ATMIN: variants seen among roughly 807,000 people sequenced by gnomAD.
The protein encoded by ATMIN is ATM INteracting protein.
ATMIN carries 24 observed loss-of-function variants against 49.2 expected under a neutral mutation model. The observed-to-expected ratio is 0.49, with a 90% CI of 0.35 to 0.69. The LOEUF (loss-of-function observed/expected upper bound fraction) is 0.69. Among genes scored for constraint, ATMIN ranks in the 30% least tolerant of loss-of-function variants. The pLI is 0.00. For missense variants in ATMIN, 1,037 were observed against 1,005.5 expected (o/e 1.03, Z -0.42); for synonymous variants, 450 against 392.5 (o/e 1.15, Z -1.73).
At chr16:81,036,425 C>T (rs1167907953) in intron 1 of ATMIN, among the ~76,000 whole-genome samples, 1 of 152,110 alleles carries the variant, frequency 6.6e-6, no homozygotes, top group Non-Finnish European at 1.5e-5. Context: ...GCTGGGAGCC[C>T]CGGGTCCGCC....
In ATMIN at chr16:81,043,695, A is replaced by G. The variant is rs531751731; in HGVS notation, c.1197A>G (p.Leu399=). 1.9e-6 allele frequency: 3 copies of G among 1,614,246 alleles called. No homozygotes were observed. The highest frequency in any genetic ancestry group is 2.7e-5 in the African/African-American group (2 of 75,072). ...GTCCATCTAATCCTTTACAAGAACT[A>G]GGGAACACGTGTCAAAAGAATAGCA... ...GKSPSNPLQE[L]GNTCQKNSIS... The change falls in exon 4 of 4, where the codon CTA becomes CTG. Residue 399 remains leucine (L), a synonymous_variant. Transcript: ENST00000299575.
At chr16:81,038,844 G>A (rs1157819296) in intron 1 of ATMIN, among the ~76,000 whole-genome samples, 1 of 152,176 alleles carries the variant, frequency 6.6e-6, no homozygotes. Flanking sequence ...CGCCCAGACT[G>A]GAGTGCAGTG....
chr16:81,040,902 G>C (rs969006199), intron 1 of ATMIN: 2 of 153,646 alleles, frequency 1.3e-5, no homozygotes, highest in African/African-American at 4.8e-5. Context: ...GCACTTAGAA[G>C]AGGACAGGAG....
rs368727160 is a variant in ATMIN at position 81,042,466 on chromosome 16, A to G, written c.648A>G (p.Ile216Met). 6.2e-7 allele frequency: 1 copy of G among 1,614,186 alleles called. No individual in the cohort carries two copies. The highest frequency in any genetic ancestry group is 1.3e-5 in the African/African-American group (1 of 75,046). ...ACATCTACCGAACTGGGCACGAGAT[A>G]CCTGCAGAACACAGGTGAAGGGAAA... ...QSHIYRTGHE[I>M]PAEHRDPPSK... Residue 216 changes from isoleucine to methionine, a missense_variant, in exon 3 of 4, where the codon ATA becomes ATG. Physicochemically the swap from Ile to Met is conservative, Grantham distance 10. Transcript: ENST00000299575.
At position 81,042,276 on chromosome 16, in the gene ATMIN, C is replaced by T. The variant is rs1971048523; in HGVS notation, c.463-5C>T. 2 of 1,612,368 alleles carry T rather than the reference C, an allele frequency of 1.2e-6. No individual in the cohort carries two copies. Among genetic ancestry groups the T allele is most frequent in the East Asian group, 2.2e-5 (1 of 44,896 alleles). On this transcript the variant is annotated splice_region_variant and splice_polypyrimidine_tract_variant and intron_variant, in intron 2 of 3. Transcript: ENST00000299575. ...TCACCTTAGTCCCTTCTGCGTTCCT[C>T]CTAGCACTTTATGAAAATGCATGCT...
chr16:81,044,954 C>A lies in ATMIN; in HGVS notation c.2456C>A (p.Thr819Lys). 6.2e-7 allele frequency: 1 copy of A among 1,612,076 alleles called. No homozygotes were observed. The highest frequency in any genetic ancestry group is 8.5e-7 in the Non-Finnish European group (1 of 1,178,490). ...ACCCAGACTTCTGCGGAACCACACA[C>A]AGTCTCCAACTTCTAAAACTAACGG... is the stretch of plus-strand genomic sequence containing the variant. ...VETQTSAEPH[T>K]VSNF Residue 819 changes from threonine (T) to lysine (K), a missense_variant, in exon 4 of 4, where the codon ACA becomes AAA. Transcript: ENST00000299575.
At position 81,046,390 on chromosome 16, in the gene ATMIN, T is replaced by G. The variant is rs1283441235; in HGVS notation, c.*1420T>G. 1.3e-5 allele frequency: 2 copies of G among 152,234 alleles called. No homozygotes were observed. The highest frequency in any genetic ancestry group is 2.9e-5 in the Non-Finnish European group (2 of 68,038). The allele number at this position is 152,234 out of a possible 1,614,324, so 9.4% of individuals were successfully genotyped here. A position where few individuals can be genotyped will look rare whatever the true frequency, so the allele number is the denominator to read the frequency against. ...AAGTATCTAGCAAGGATATTACTTG[T>G]GCCTTGAGGCTAGCAATTATAGGAT... On this transcript the variant is annotated 3_prime_UTR_variant, in exon 4 of 4. Coordinates refer to ENST00000299575, the MANE Select transcript of ATMIN (RefSeq NM_015251.3).
chr16:81,044,306 C>A lies in ATMIN; in HGVS notation c.1808C>A (p.Pro603His), dbSNP rs1414292993. ...DLENILSSNL[P>H]AQTLDHRSLL... The stretch of plus-strand genomic sequence containing the variant: ...GAAAACATCTTGTCAAGTAATCTGC[C>A]TGCTCAGACATTGGATCATCGTAGT... The change falls in exon 4 of 4, where the codon CCT becomes CAT. Residue 603 changes from proline to histidine, a missense_variant. Pro to His is a moderately conservative substitution (Grantham distance 77, BLOSUM62 -2). Coordinates refer to ENST00000299575, the MANE Select transcript of ATMIN (RefSeq NM_015251.3). 1 of 1,613,970 alleles carries A rather than the reference C, an allele frequency of 6.2e-7. No homozygotes were observed. The highest frequency in any genetic ancestry group is 1.3e-5 in the African/African-American group (1 of 74,926).
At position 81,044,177 on chromosome 16, in the gene ATMIN, A is replaced by G. The variant is rs1185800038; in HGVS notation, c.1679A>G (p.Glu560Gly). 6 of 1,614,062 alleles carry G rather than the reference A, an allele frequency of 3.7e-6. No individual in the cohort carries two copies. The highest frequency in any genetic ancestry group is 5.1e-6 in the Non-Finnish European group (6 of 1,179,992). Residue 560 changes from glutamate to glycine, a missense_variant, in exon 4 of 4, where the codon GAG becomes GGG. Coordinates refer to ENST00000299575, the MANE Select transcript of ATMIN (RefSeq NM_015251.3). ...NEPKTLNQDI[E>G]KSAPIINFSA... is the part of the protein sequence containing the mutation. ...CCTAAGACTTTAAATCAAGATATTG[A>G]GAAATCTGCACCAATTATAAATTTC...
Position 81,041,382 on chromosome 16 carries a change from A to G in ATMIN, c.363A>G (p.Arg121=). Residue 121 remains arginine (R), a synonymous_variant, in exon 2 of 4, where the codon AGA becomes AGG. Transcript: ENST00000299575. The part of the protein sequence containing the change: ...LQDGIVNPTI[R]KDLKTGPKFY... ...ATGGCATAGTCAATCCAACAATAAG[A>G]AAAGATTTGAAAACTGGACCGAAAT... 1 of 1,613,516 alleles carries G rather than the reference A, an allele frequency of 6.2e-7. No individual in the cohort carries two copies. The highest frequency in any genetic ancestry group is 1.1e-5 in the South Asian group (1 of 90,832).
chr16:81,036,065 G>A lies in ATMIN; in HGVS notation c.195G>A (p.Ala65=), dbSNP rs375938557. Residue 65 remains alanine (A), a synonymous_variant, in exon 1 of 4, where the codon GCG becomes GCA. Transcript: ENST00000299575. ...AGCCCGCTGTCCCCGCGCCGCCGGCGGGGGAGCTGATCCAGCCGTCGGTGA... is the reference window on the plus strand; with the variant it reads ...AGCCCGCTGTCCCCGCGCCGCCGGCAGGGGAGCTGATCCAGCCGTCGGTGA... ...TQQPAVPAPP[A]GELIQPSVSE... 4.5e-5 allele frequency: 59 copies of A among 1,301,262 alleles called. No homozygotes were observed. The Admixed American group carries it at 7.2e-4, about 16-fold the overall frequency. The allele number at this position is 1,301,262 out of a possible 1,614,324, so 80.6% of individuals were successfully genotyped here. A position where few individuals can be genotyped will look rare whatever the true frequency, so the allele number is the denominator to read the frequency against.
intron 2 of ATMIN, 115 bp downstream of exon 2, chr16:81,041,596 T>G: frequency 5.3e-6 from 7 of 1,321,634 alleles, no homozygotes; most frequent in Non-Finnish European, 7.3e-6. Flanking sequence ...GGGAGATGCC[T>G]GCGTGTCTCC....
At position 81,044,998 on chromosome 16, in the gene ATMIN, T is replaced by C. The variant is rs773163187; in HGVS notation, c.*28T>C. The C allele has an allele frequency of 3.8e-5, 61 of 1,594,204 alleles. No individual in the cohort carries two copies. In the Admixed American group the frequency reaches 1.1e-3, roughly 28 times the overall value. ...CTAACGGTGGAGTCCATGTGTGAAA[T>C]GGCATCTACCATTTCCTCTGGATTA... On this transcript the variant is annotated 3_prime_UTR_variant, in exon 4 of 4. Transcript: ENST00000299575.
chr16:81,040,037 C>G (rs1414489939), intron 1 of ATMIN, among the ~76,000 whole-genome samples: 2 of 152,192 alleles, frequency 1.3e-5, no homozygotes, highest in African/African-American at 2.4e-5. Context: ...TTTTCACCCT[C>G]TACTCTTCAA....
Position 81,044,330 on chromosome 16 carries a change from G to A in ATMIN, c.1832G>A (p.Ser611Asn), listed in dbSNP as rs765847735. The change falls in exon 4 of 4, where the codon AGT becomes AAT. Residue 611 changes from serine (S) to asparagine (N), a missense_variant. Transcript: ENST00000299575. The stretch of plus-strand genomic sequence containing the variant: ...CCTGCTCAGACATTGGATCATCGTA[G>A]TCTTTTGTCTGACACAAATCCTGGA... ...NLPAQTLDHR[S>N]LLSDTNPGPD... The A allele has an allele frequency of 4.3e-6, 7 of 1,614,130 alleles. No homozygotes were observed. In the South Asian group the frequency reaches 7.7e-5, roughly 18 times the overall value.
chr16:81,036,231 C>T (rs111646967), intron 1 of ATMIN, 25 bp downstream of exon 1: 2 of 1,355,060 alleles, frequency 1.5e-6, no homozygotes, highest in South Asian at 2.9e-5. Flanking sequence ...GCCGGCGGCC[C>T]GGGGGGCCGG....
At chr16:81,043,032 T>C in intron 3 of ATMIN, 129 bp from the exon 4 acceptor site, 1 of 1,173,000 alleles carries the variant, frequency 8.5e-7, no homozygotes, top group African/African-American at 1.6e-5. Context: ...AGAATGGATT[T>C]ATCTTGTCTG....
intron 2 of ATMIN, 79 bp downstream of exon 2, chr16:81,041,560 G>A: frequency 6.6e-7 from 1 of 1,516,154 alleles, no homozygotes; most frequent in East Asian, 2.3e-5. Flanking sequence ...CATAACTACA[G>A]AATTGAGTAG....
chr16:81,046,338 TTCTTTA>T lies in ATMIN; in HGVS notation c.*1374_*1379del, dbSNP rs1262922811. ...AAAGTGAATTTCCTTCCATTCACCA[TTCTTTA>T]TCTTTTCTTTGAATAAGAAAAAGTA... On this transcript the variant is annotated 3_prime_UTR_variant, in exon 4 of 4. Transcript: ENST00000299575. The T allele has an allele frequency of 2.6e-5, 4 of 152,238 alleles. No individual in the cohort carries two copies. The East Asian group carries it at 5.8e-4, about 22-fold the overall frequency. 9.4% of individuals were successfully genotyped at this position (152,238 alleles called of 1,614,324 possible).
Sources: gnomAD v4.1 joint callset for allele counts (sites outside exome capture counted in the v4.1 genomes callset) on GRCh38, gnomAD v4.1.1 for gene constraint, MANE v1.5 for transcripts, NCBI Gene and HGNC (gene_info 2026-07-23, HGNC 2026-07-21) for gene names.